Variants in CNTNAP2 observed in about 807,000 individuals in gnomAD.
The protein encoded by CNTNAP2 is contactin associated protein 2.
A neutral mutation model predicts 155.2 loss-of-function variants in CNTNAP2; 98 were observed. The ratio of observed to expected loss-of-function variants is 0.63; its 90% confidence interval spans 0.54 to 0.75. CNTNAP2 has a LOEUF of 0.75. Among genes scored for constraint, CNTNAP2 ranks in the 30% least tolerant of loss-of-function variants. The pLI, the probability that CNTNAP2 is intolerant of heterozygous loss-of-function variation, is 0.00. For missense variants in CNTNAP2, 1,727 were observed against 1,688.1 expected (o/e 1.02, Z -0.40); for synonymous variants, 651 against 631.2 (o/e 1.03, Z -0.47).
At chr7:147,458,057 C>G (rs1797952882) in intron 10 of CNTNAP2, among the ~76,000 whole-genome samples, 1 of 152,058 alleles carries the variant, frequency 6.6e-6, no homozygotes, top group Non-Finnish European at 1.5e-5. Context: ...GGAAAGAGGT[C>G]ATCACTTTAT....
intron 1 of CNTNAP2, among the ~76,000 whole-genome samples, chr7:146,445,781 C>T (rs1796394021): frequency 6.6e-6 from 1 of 152,134 alleles, no homozygotes; most frequent in Admixed American, 6.5e-5. Flanking sequence ...GTGGAAACAA[C>T]ATTTCCCACA....
At chr7:146,821,985 G>T (rs1298653053) in intron 2 of CNTNAP2, among the ~76,000 whole-genome samples, 2 of 151,848 alleles carry the variant, frequency 1.3e-5, no homozygotes, top group African/African-American at 4.8e-5. Context: ...TATACCCAAA[G>T]GATTATAAAT....
chr7:148,390,454 G>A (rs1799320626), intron 22 of CNTNAP2, among the ~76,000 whole-genome samples: 1 of 152,176 alleles, frequency 6.6e-6, no homozygotes, highest in Admixed American at 6.5e-5. Flanking sequence ...TGAGGGCTGT[G>A]CTTTTCTGAA....
chr7:146,117,037 A>G, intron 1 of CNTNAP2, 64 bp downstream of exon 1: 1 of 1,405,548 alleles, frequency 7.1e-7, no homozygotes, highest in Non-Finnish European at 9.8e-7. Flanking sequence ...GTTTGGCACC[A>G]GGGTATCAAC....
intron 21 of CNTNAP2, among the ~76,000 whole-genome samples, chr7:148,270,232 G>A (rs770936453): frequency 4.6e-5 from 7 of 152,192 alleles, no homozygotes; most frequent in South Asian, 4.1e-4. Flanking sequence ...ACATCAATCT[G>A]TGCAAAGCTA....
At chr7:146,637,377 C>A (rs1422607907) in intron 1 of CNTNAP2, among the ~76,000 whole-genome samples, 1 of 152,174 alleles carries the variant, frequency 6.6e-6, no homozygotes, top group Non-Finnish European at 1.5e-5. Flanking sequence ...TATCTCTTAA[C>A]ATAACATGCA....
intron 13 of CNTNAP2, among the ~76,000 whole-genome samples, chr7:147,881,581 A>C (rs904704427): frequency 6.6e-6 from 1 of 152,232 alleles, no homozygotes; most frequent in African/African-American, 2.4e-5. Flanking sequence ...TCCAATAAGC[A>C]GGACAAGGTT....
chr7:147,439,652 A>G (rs1797605956), intron 10 of CNTNAP2, among the ~76,000 whole-genome samples: 1 of 151,960 alleles, frequency 6.6e-6, no homozygotes, highest in Non-Finnish European at 1.5e-5. Flanking sequence ...TCTCTCTGAA[A>G]GATCTGTCCA....
chr7:146,785,309 T>C (rs982271204), intron 2 of CNTNAP2, among the ~76,000 whole-genome samples: 1 of 152,160 alleles, frequency 6.6e-6, no homozygotes, highest in Non-Finnish European at 1.5e-5. Context: ...GTCTTTAGTA[T>C]TTTTCACATC....
At chr7:146,912,502 G>A (rs1485739957) in intron 3 of CNTNAP2, among the ~76,000 whole-genome samples, 1 of 152,058 alleles carries the variant, frequency 6.6e-6, no homozygotes, top group East Asian at 1.9e-4. Context: ...CAGGGCCTCA[G>A]GGTAACAATG....
chr7:147,416,546 T>C (rs1797197016), intron 10 of CNTNAP2, among the ~76,000 whole-genome samples: 1 of 152,210 alleles, frequency 6.6e-6, no homozygotes, highest in Non-Finnish European at 1.5e-5. Context: ...CCCCTTTGTT[T>C]CAGAATGGCC....
chr7:146,665,910 G>A (rs1038044529), intron 1 of CNTNAP2, among the ~76,000 whole-genome samples: 1 of 150,796 alleles, frequency 6.6e-6, no homozygotes, highest in Non-Finnish European at 1.5e-5. Flanking sequence ...ACAAAGTGAT[G>A]CTTCAGTACA....
At chr7:146,401,882 T>C (rs1236542509) in intron 1 of CNTNAP2, among the ~76,000 whole-genome samples, 1 of 152,180 alleles carries the variant, frequency 6.6e-6, no homozygotes, top group African/African-American at 2.4e-5. Flanking sequence ...CAGTCTGTTT[T>C]ATGCAAAAGA....
chr7:147,463,394 C>T (rs1032426456), intron 10 of CNTNAP2, among the ~76,000 whole-genome samples: 2 of 152,174 alleles, frequency 1.3e-5, no homozygotes, highest in African/African-American at 2.4e-5. Context: ...CTGTTTTCTT[C>T]AACTCAGTCA....
chr7:146,890,451 C>T (rs1795752724), intron 3 of CNTNAP2, among the ~76,000 whole-genome samples: 1 of 152,114 alleles, frequency 6.6e-6, no homozygotes, highest in Non-Finnish European at 1.5e-5. Context: ...GACATGGCAC[C>T]ACTTTTTAAA....
chr7:146,737,824 C>A (rs1172306549), intron 1 of CNTNAP2, among the ~76,000 whole-genome samples: 2 of 151,980 alleles, frequency 1.3e-5, no homozygotes, highest in Non-Finnish European at 1.5e-5. Context: ...ACACTTCGTT[C>A]TTTTTTAATG....
intron 1 of CNTNAP2, among the ~76,000 whole-genome samples, chr7:146,732,118 T>C (rs1050606409): frequency 1.3e-5 from 2 of 152,108 alleles, no homozygotes; most frequent in African/African-American, 4.8e-5. Flanking sequence ...CTTATACACA[T>C]TTAACATCAG....
At chr7:148,231,274 A>G (rs1468287540) in intron 20 of CNTNAP2, among the ~76,000 whole-genome samples, 1 of 152,144 alleles carries the variant, frequency 6.6e-6, no homozygotes, top group Non-Finnish European at 1.5e-5. Context: ...AGAAAGCCAG[A>G]GATATAGACA....
chr7:147,534,217 C>G (rs952668958), intron 11 of CNTNAP2, among the ~76,000 whole-genome samples: 1 of 152,086 alleles, frequency 6.6e-6, no homozygotes, highest in Non-Finnish European at 1.5e-5. Context: ...ATGGGAGAGG[C>G]CAGTAACGCT....
Sources: gnomAD v4.1 joint callset for allele counts (sites outside exome capture counted in the v4.1 genomes callset) on GRCh38, gnomAD v4.1.1 for gene constraint, MANE v1.5 for transcripts, NCBI Gene and HGNC (gene_info 2026-07-23, HGNC 2026-07-21) for gene names.